The following PTTG1 variants were observed in gnomAD, a reference collection of about 807,000 sequenced individuals.
The protein encoded by PTTG1 is PTTG1 regulator of sister chromatid separation, securin.
In PTTG1, 8 loss-of-function variants were observed where a neutral mutation model predicts 20.0. The observed-to-expected ratio is 0.40, with a 90% CI of 0.23 to 0.72. PTTG1 has a LOEUF of 0.72. PTTG1 is among the 30% of genes least tolerant of loss of function. The pLI is 0.38. For missense variants in PTTG1, 197 were observed against 236.0 expected, an observed-to-expected ratio of 0.83 and a Z score of 1.08; for synonymous variants, 79 against 87.2, an observed-to-expected ratio of 0.91 and a Z score of 0.52.
chr5:160,428,743 T>G (rs1765857885), downstream of PTTG1: 2 of 1,466,336 alleles, frequency 1.4e-6, no homozygotes. Flanking sequence ...TAACAGATTC[T>G]TCCTAGTATT....
intron 4 of PTTG1, among the ~76,000 whole-genome samples, chr5:160,426,292 G>A (rs939579521): frequency 6.6e-6 from 1 of 152,002 alleles, no homozygotes; most frequent in African/African-American, 2.4e-5. Flanking sequence ...TTGAAAATTT[G>A]CTTTATTTGG....
intron 1 of PTTG1, 139 bp downstream of exon 1, chr5:160,422,030 T>G: frequency 3.5e-6 from 1 of 282,956 alleles, no homozygotes; most frequent in Non-Finnish European, 6.8e-6. Context: ...CGAGCCCGTT[T>G]GAGCGTGGTC....
intron 5 of PTTG1, 130 bp from the exon 6 acceptor site, chr5:160,428,472 G>A (rs936376180): frequency 1.3e-6 from 1 of 776,622 alleles, no homozygotes; most frequent in Non-Finnish European, 2.2e-6. Context: ...AATGTGTCAG[G>A]AGGGGATGCA....
At chr5:160,422,459 T>C (rs1345877236) in intron 2 of PTTG1, 56 bp downstream of exon 2, 5 of 1,466,220 alleles carry the variant, frequency 3.4e-6, no homozygotes, top group Non-Finnish European at 4.8e-6. Context: ...GGCCTGGAGC[T>C]GGACGAGACA....
chr5:160,424,437 A>G, intron 4 of PTTG1, 107 bp downstream of exon 4: 1 of 782,438 alleles, frequency 1.3e-6, no homozygotes, highest in Non-Finnish European at 2.1e-6. Context: ...AACTATGATG[A>G]GACTGTCTGA....
rs752942976 is a variant in PTTG1 at position 160,424,346 on chromosome 5, A to G, written c.370+16A>G. On this transcript the variant is annotated intron_variant, in intron 4 of 5. Transcript: ENST00000352433. ...AATCCTCTAGGTAGTATCTTTTGCAATTGCGAAAAGTGCTTTTGGCCTTTA... is the reference window on the plus strand; with the variant it reads ...AATCCTCTAGGTAGTATCTTTTGCAGTTGCGAAAAGTGCTTTTGGCCTTTA... The G allele has an allele frequency of 1.2e-5, 18 of 1,555,128 alleles. No homozygotes were observed. The South Asian group carries it at 1.7e-4, about 15-fold the overall frequency.
Position 160,423,499 on chromosome 5 carries a change from T to A in PTTG1, c.276+606T>A, listed in dbSNP as rs543333533. Among the ~76,000 whole-genome samples the A allele has an allele frequency of 4.3e-4, 65 of 152,370 alleles. No individual in the cohort carries two copies. The South Asian group carries it at 0.011, about 26-fold the overall frequency. Reference sequence around the variant, plus strand: ...TGTTTAATTTGCATTAGGAAACAACTAGTGAATTACATATAGTGCAACTTA... The same window carrying A: ...TGTTTAATTTGCATTAGGAAACAACAAGTGAATTACATATAGTGCAACTTA... On this transcript the variant is annotated intron_variant, in intron 3 of 5. Transcript: ENST00000352433.
intron 4 of PTTG1, among the ~76,000 whole-genome samples, chr5:160,426,834 C>A (rs758971291): frequency 1.3e-5 from 2 of 152,100 alleles, no homozygotes; most frequent in Non-Finnish European, 2.9e-5. Flanking sequence ...CCTGAGGTCA[C>A]GAGTTCAAGA....
intron 3 of PTTG1, 143 bp from the exon 4 acceptor site, chr5:160,424,094 T>A: frequency 1.7e-6 from 1 of 588,464 alleles, no homozygotes; most frequent in Non-Finnish European, 3.0e-6. Flanking sequence ...TTGAATCATA[T>A]TATTTGAAGT....
chr5:160,422,488 C>A, intron 2 of PTTG1, 85 bp downstream of exon 2: 1 of 1,239,058 alleles, frequency 8.1e-7, no homozygotes, highest in Non-Finnish European at 1.2e-6. Context: ...ACTTTTTGGG[C>A]AATTGGAGTC....
chr5:160,424,210 A>G, intron 3 of PTTG1, 27 bp from the exon 4 acceptor site: 1 of 1,531,126 alleles, frequency 6.5e-7, no homozygotes, highest in Non-Finnish European at 9.0e-7. Flanking sequence ...CACTGTCACT[A>G]ACCCATATTT....
chr5:160,425,316 A>G (rs1357842858), intron 4 of PTTG1, among the ~76,000 whole-genome samples: 1 of 152,220 alleles, frequency 6.6e-6, no homozygotes, highest in African/African-American at 2.4e-5. Flanking sequence ...ATTAAGTTTT[A>G]AAATTATAAA....
At chr5:160,426,781 C>T (rs1765816284) in intron 4 of PTTG1, among the ~76,000 whole-genome samples, 2 of 152,188 alleles carry the variant, frequency 1.3e-5, no homozygotes, top group African/African-American at 2.4e-5. Flanking sequence ...CAGTGGCTCA[C>T]GCCTGTAATC....
At chr5:160,426,834 C>T (rs758971291) in intron 4 of PTTG1, among the ~76,000 whole-genome samples, 7 of 152,100 alleles carry the variant, frequency 4.6e-5, no homozygotes, top group Non-Finnish European at 7.4e-5. Context: ...CCTGAGGTCA[C>T]GAGTTCAAGA....
intron 1 of PTTG1, 143 bp downstream of exon 1, chr5:160,422,034 C>A: frequency 3.5e-6 from 1 of 281,994 alleles, no homozygotes; most frequent in South Asian, 4.9e-5. Context: ...CCCGTTTGAG[C>A]GTGGTCTCGG....
At chr5:160,426,956 C>A (rs995352500) in intron 4 of PTTG1, among the ~76,000 whole-genome samples, 2 of 152,140 alleles carry the variant, frequency 1.3e-5, no homozygotes, top group Non-Finnish European at 2.9e-5. Flanking sequence ...GCAGGAGAAT[C>A]GCTTGAACCC....
At chr5:160,424,442 G>A in intron 4 of PTTG1, 112 bp downstream of exon 4, 1 of 759,306 alleles carries the variant, frequency 1.3e-6, no homozygotes, top group East Asian at 2.7e-5. Flanking sequence ...TGATGAGACT[G>A]TCTGAATCTG....
chr5:160,422,325 A>T lies in PTTG1; in HGVS notation c.13A>T (p.Ile5Phe). 1 of 1,613,704 alleles carries T rather than the reference A, an allele frequency of 6.2e-7. No individual in the cohort carries two copies. Among genetic ancestry groups the T allele is most frequent in the Non-Finnish European group, 8.5e-7 (1 of 1,179,734 alleles). Residue 5 changes from isoleucine to phenylalanine, a missense_variant, in exon 2 of 6, where the codon ATC (isoleucine) becomes TTC (phenylalanine). By Grantham distance (21) the Ile-to-Phe change is conservative. Coordinates refer to ENST00000352433, the MANE Select transcript of PTTG1 (RefSeq NM_004219.4). ...AGAATAATCCAGAATGGCTACTCTG[A>T]TCTATGTTGATAAGGAAAATGGAGA... is the stretch of plus-strand genomic sequence containing the variant. MATLIYVDKENGEPG... is the reference protein window; with the variant it reads MATLFYVDKENGEPG...
chr5:160,425,113 C>T (rs1325981773), intron 4 of PTTG1, among the ~76,000 whole-genome samples: 7 of 152,164 alleles, frequency 4.6e-5, no homozygotes, highest in Admixed American at 4.6e-4. Flanking sequence ...GATTTCTGAG[C>T]TGGATCTTTT....
Sources: allele counts gnomAD v4.1 joint callset (sites outside exome capture counted in the v4.1 genomes callset), GRCh38; gene constraint gnomAD v4.1.1; transcripts MANE v1.5; gene names NCBI Gene and HGNC (gene_info 2026-07-23, HGNC 2026-07-21).